Variants in TBXAS1 observed in about 807,000 individuals in gnomAD.
TBXAS1 encodes the protein thromboxane A synthase 1.
A neutral mutation model predicts 60.7 loss-of-function variants in TBXAS1; 48 were observed. The observed-to-expected ratio is 0.79, with a 90% CI of 0.63 to 1.01. TBXAS1 has a LOEUF of 1.01. Ranked by LOEUF, TBXAS1 falls within the 50% of genes least tolerant of loss-of-function variation. The pLI, the probability that TBXAS1 is intolerant of heterozygous loss-of-function variation, is 0.00. For missense variants in TBXAS1, 685 were observed against 686.3 expected (o/e 1.00, Z 0.02); for synonymous variants, 287 against 269.7 (o/e 1.06, Z -0.63).
At chr7:139,867,857 T>TAAAC (rs1460267227) in intron 1 of TBXAS1, among the ~76,000 whole-genome samples, 38 of 150,638 alleles carry the variant, frequency 2.5e-4, no homozygotes, top group Admixed American at 2.5e-3. Context: ...AATAAATAAA[T>TAAAC]AAAGAGAAAG....
intron 4 of TBXAS1, among the ~76,000 whole-genome samples, chr7:139,798,384 C>T (rs894681560): frequency 6.6e-5 from 10 of 152,126 alleles, no homozygotes; most frequent in African/African-American, 2.4e-4. Flanking sequence ...GCCAAGTTTC[C>T]ACTGTGCTGT....
At chr7:139,895,624 G>A (rs1014857444) in intron 3 of TBXAS1, among the ~76,000 whole-genome samples, 11 of 152,360 alleles carry the variant, frequency 7.2e-5, no homozygotes, top group Admixed American at 1.3e-4. Context: ...CCACAGTCTC[G>A]GCTGCTGGAC....
intron 1 of TBXAS1, among the ~76,000 whole-genome samples, chr7:139,830,331 T>G (rs1326819152): frequency 6.6e-6 from 1 of 152,154 alleles, no homozygotes; most frequent in Non-Finnish European, 1.5e-5. Context: ...TTTTCAGTAG[T>G]AATAAAGCCT....
chr7:139,893,325 GACACACACACACACACACACACACAC>G (rs71170920), intron 3 of TBXAS1, among the ~76,000 whole-genome samples: 1 of 139,880 alleles, frequency 7.1e-6, no homozygotes, highest in East Asian at 2.1e-4. Flanking sequence ...CTATGGAATA[GACACACACACACACACACACACACAC>G]ACACACACAC....
At position 139,962,368 on chromosome 7, in the gene TBXAS1, C is replaced by A. The variant is rs79021509; in HGVS notation, c.1134+135C>A. On this transcript the variant is annotated intron_variant, in intron 9 of 12. Transcript: ENST00000448866. The stretch of plus-strand genomic sequence containing the variant: ...CTTATAAGATGAAATAGGGTCATTG[C>A]TTGGCTTCTCCTGCTCTCCGGGTTA... The A allele has an allele frequency of 2.3e-3, 2,595 of 1,105,932 alleles. 51 individuals are homozygous for A. The African/African-American group carries it at 0.036, about 15-fold the overall frequency. 68.5% of individuals were successfully genotyped at this position (1,105,932 alleles called of 1,614,324 possible).
chr7:139,918,821 G>A (rs1057022039), intron 4 of TBXAS1, among the ~76,000 whole-genome samples: 4 of 152,014 alleles, frequency 2.6e-5, no homozygotes, highest in Non-Finnish European at 4.4e-5. Context: ...AACCTCACCC[G>A]GAGGCCATTC....
intron 3 of TBXAS1, among the ~76,000 whole-genome samples, chr7:139,893,478 C>A (rs1014599056): frequency 1.3e-5 from 2 of 152,124 alleles, no homozygotes; most frequent in African/African-American, 2.4e-5. Flanking sequence ...GCAGGGCCAT[C>A]GAACTATTTA....
At chr7:139,790,152 C>T (rs892997857) in intron 4 of TBXAS1, among the ~76,000 whole-genome samples, 16 of 152,310 alleles carry the variant, frequency 1.1e-4, no homozygotes, top group Non-Finnish European at 1.9e-4. Context: ...CCTGTGACTA[C>T]GTGGGAATCA....
chr7:139,866,041 A>T (rs1801396750), intron 1 of TBXAS1, among the ~76,000 whole-genome samples: 1 of 152,250 alleles, frequency 6.6e-6, no homozygotes, highest in African/African-American at 2.4e-5. Context: ...AAGAAAATAG[A>T]TGCAGACATC....
At chr7:139,785,490 T>TTGTTG (rs1554462813) in intron 3 of TBXAS1, among the ~76,000 whole-genome samples, 1 of 127,702 alleles carries the variant, frequency 7.8e-6, no homozygotes, top group African/African-American at 3.0e-5. Context: ...TGTTGTTGTT[T>TTGTTG]TTTGTGTGAT....
chr7:139,954,761 AT>A (rs1468606376), intron 6 of TBXAS1, among the ~76,000 whole-genome samples: 1 of 152,200 alleles, frequency 6.6e-6, no homozygotes, highest in Non-Finnish European at 1.5e-5. Flanking sequence ...AAGAGGTTAA[AT>A]TTTCTGGAGC....
chr7:139,824,339 G>A (rs1305927086), upstream of TBXAS1, among the ~76,000 whole-genome samples: 3 of 152,196 alleles, frequency 2.0e-5, no homozygotes, highest in African/African-American at 7.2e-5. Flanking sequence ...TGTACACAGG[G>A]TAGCACTTAC....
intron 4 of TBXAS1, among the ~76,000 whole-genome samples, chr7:139,914,801 G>C (rs1318790038): frequency 6.6e-6 from 1 of 152,096 alleles, no homozygotes; most frequent in Non-Finnish European, 1.5e-5. Flanking sequence ...GGAGGATATG[G>C]CTTTCACTCT....
chr7:139,826,899 A>G (rs1311885285), upstream of TBXAS1, among the ~76,000 whole-genome samples: 1 of 152,132 alleles, frequency 6.6e-6, no homozygotes, highest in Non-Finnish European at 1.5e-5. Context: ...GATTTTCCCA[A>G]CAATACCTCA....
At chr7:139,840,320 G>C (rs1270255103) in intron 1 of TBXAS1, among the ~76,000 whole-genome samples, 1 of 152,238 alleles carries the variant, frequency 6.6e-6, no homozygotes, top group Non-Finnish European at 1.5e-5. Flanking sequence ...GGTGAGCTCC[G>C]GAAAAGGCAT....
chr7:139,943,886 C>G (rs750540697), intron 5 of TBXAS1, among the ~76,000 whole-genome samples: 1 of 152,022 alleles, frequency 6.6e-6, no homozygotes, highest in African/African-American at 2.4e-5. Context: ...TAAAAAAAAA[C>G]CCAGAAATAC....
At chr7:139,946,475 A>T (rs1287052495) in intron 5 of TBXAS1, among the ~76,000 whole-genome samples, 4 of 152,254 alleles carry the variant, frequency 2.6e-5, no homozygotes, top group Non-Finnish European at 5.9e-5. Flanking sequence ...GAAGATGACA[A>T]CCATATTCCA....
chr7:139,789,643 T>A (rs1797314603), intron 4 of TBXAS1: 1 of 151,128 alleles, frequency 6.6e-6, no homozygotes, highest in African/African-American at 2.4e-5. Flanking sequence ...AAGCATTTTT[T>A]TTTTTTTTTG....
chr7:139,786,203 A>G (rs1157657705), intron 3 of TBXAS1, among the ~76,000 whole-genome samples: 2 of 151,682 alleles, frequency 1.3e-5, no homozygotes, highest in Non-Finnish European at 2.9e-5. Context: ...TCTGCACCTC[A>G]GTTTTCTCAT....
Sources: gnomAD v4.1 joint callset for allele counts (sites outside exome capture counted in the v4.1 genomes callset) on GRCh38, gnomAD v4.1.1 for gene constraint, MANE v1.5 for transcripts, NCBI Gene and HGNC (gene_info 2026-07-23, HGNC 2026-07-21) for gene names.